Variants in VPS37A observed in about 807,000 individuals in gnomAD.
VPS37A encodes vacuolar protein sorting-associated protein 37A.
VPS37A carries 30 observed loss-of-function variants against 49.8 expected under a neutral mutation model. That is an observed-to-expected ratio of 0.60 (90% CI 0.45 to 0.82). The LOEUF (loss-of-function observed/expected upper bound fraction) is 0.82. Among genes scored for constraint, VPS37A ranks in the 40% least tolerant of loss-of-function variants. VPS37A has a pLI of 0.00. For synonymous variants in VPS37A, 195 were observed against 160.6 expected (o/e 1.21, Z -1.62); for missense variants, 593 against 464.4 (o/e 1.28, Z -2.55).
At chr8:17,277,159 C>G (rs1287992482) in intron 6 of VPS37A, among the ~76,000 whole-genome samples, 9 of 151,808 alleles carry the variant, frequency 5.9e-5, no homozygotes, top group Non-Finnish European at 4.4e-5. Flanking sequence ...GATGTACAGC[C>G]AAGTACCCAT....
At chr8:17,260,145 C>A (rs560868245) in intron 1 of VPS37A, among the ~76,000 whole-genome samples, 1 of 152,222 alleles carries the variant, frequency 6.6e-6, no homozygotes, top group South Asian at 2.1e-4. Context: ...TCCTTTCTTA[C>A]TATCTTCCTT....
intron 4 of VPS37A, among the ~76,000 whole-genome samples, chr8:17,270,450 C>A (rs1318065119): frequency 6.6e-6 from 1 of 152,100 alleles, no homozygotes; most frequent in Non-Finnish European, 1.5e-5. Context: ...CTCCATGTGA[C>A]CTGCGCTTCC....
At chr8:17,261,322 T>C (rs1445210708) in intron 1 of VPS37A, among the ~76,000 whole-genome samples, 1 of 152,186 alleles carries the variant, frequency 6.6e-6, no homozygotes, top group East Asian at 1.9e-4. Flanking sequence ...TTTAATTGTT[T>C]ATTATTACTT....
At chr8:17,269,002 G>A (rs929983589) in intron 4 of VPS37A, 46 bp downstream of exon 4, 25 of 1,311,668 alleles carry the variant, frequency 1.9e-5, no homozygotes, top group Non-Finnish European at 2.6e-5. Context: ...GTATTTTAAT[G>A]TATTAATCAA....
chr8:17,316,349 A>T, the VPS37A span, among the ~76,000 whole-genome samples: 1 of 152,026 alleles, frequency 6.6e-6, no homozygotes, highest in Non-Finnish European at 1.5e-5. Context: ...TTATGTAAAT[A>T]AATTTCATTA....
At position 17,272,519 on chromosome 8, in the gene VPS37A, A is replaced by G. The variant is rs140642571; in HGVS notation, c.417-2214A>G. 2.6e-3 allele frequency among the ~76,000 whole-genome samples: 397 copies of G among 152,320 alleles called. 2 individuals carry two copies. The highest frequency in any genetic ancestry group is 8.8e-3 in the African/African-American group (367 of 41,566). ...TCATTTCAGATAAGTTCGGGGATAT[A>G]GTACCATTATTAAAAATCAAGTTTG... is the stretch of plus-strand genomic sequence containing the variant. On this transcript the variant is annotated intron_variant, in intron 4 of 11. Transcript: ENST00000324849.
At chr8:17,248,045 A>G in intron 1 of VPS37A, 1 of 459,826 alleles carries the variant, frequency 2.2e-6, no homozygotes, top group South Asian at 2.2e-5. Context: ...TCATTTTATC[A>G]TGGTCAGTTT....
intron 9 of VPS37A, 84 bp from the exon 10 acceptor site, chr8:17,284,389 C>T: frequency 1.4e-6 from 2 of 1,465,748 alleles, no homozygotes; most frequent in Admixed American, 2.7e-5. Flanking sequence ...AATTGCCTCT[C>T]CATACCACTA....
At chr8:17,302,088 T>C, downstream of VPS37A, 1 of 1,602,620 alleles carries the variant, frequency 6.2e-7, no homozygotes, top group Non-Finnish European at 8.5e-7. Flanking sequence ...TTAAGAGGCT[T>C]TCATGAAGCC....
At position 17,247,453 on chromosome 8, in the gene VPS37A, C is replaced by T. The variant is rs1253289602; in HGVS notation, c.125+84C>T. ...CTAACCACCCTCACAGCGCCTCAGT[C>T]TGCTCCCCACCAGCTCCTCATGTGG... On this transcript the variant is annotated intron_variant, in intron 1 of 11. Coordinates refer to ENST00000324849, the MANE Select transcript of VPS37A (RefSeq NM_152415.3). 26 of 1,494,436 alleles carry T rather than the reference C, an allele frequency of 1.7e-5. No homozygotes were observed. The Admixed American group carries it at 5.1e-4, about 29-fold the overall frequency. The allele number at this position is 1,494,436 out of a possible 1,614,324, so 92.6% of individuals were successfully genotyped here.
chr8:17,266,772 T>G (rs923603029), intron 2 of VPS37A, among the ~76,000 whole-genome samples: 7 of 152,174 alleles, frequency 4.6e-5, no homozygotes, highest in African/African-American at 1.7e-4. Flanking sequence ...ATGAGCTTTT[T>G]TATTTATTTA....
chr8:17,255,386 C>T (rs1411547962), intron 1 of VPS37A, among the ~76,000 whole-genome samples: 2 of 152,082 alleles, frequency 1.3e-5, no homozygotes, highest in African/African-American at 2.4e-5. Context: ...GAGGCTGAGG[C>T]AGGACAATCA....
rs1410978858 is a variant in VPS37A, at chr8:17,280,474, T to C, written c.969+31T>C. The C allele has an allele frequency of 2.6e-6, 4 of 1,568,210 alleles. No individual in the cohort carries two copies. The Middle Eastern group carries it at 5.6e-4, about 219-fold the overall frequency. On this transcript the variant is annotated intron_variant, in intron 9 of 11. Coordinates refer to ENST00000324849, the MANE Select transcript of VPS37A (RefSeq NM_152415.3). ...ACTGTTTATTTTTTTCCCTTTGCCA[T>C]AGATTTTTTTTTTAATCTTATGTGC...
chr8:17,303,114 A>G (rs576316602), downstream of VPS37A, among the ~76,000 whole-genome samples: 3 of 152,204 alleles, frequency 2.0e-5, no homozygotes, highest in East Asian at 3.9e-4. Flanking sequence ...ATTTATGTAG[A>G]TAAGTAAGTA....
intron 1 of VPS37A, chr8:17,247,752 GA>G: frequency 2.8e-6 from 2 of 702,588 alleles, no homozygotes; most frequent in Non-Finnish European, 5.2e-6. Context: ...ATACAATTGT[GA>G]AGAGTAATCT....
chr8:17,315,669 A>G, the VPS37A span, among the ~76,000 whole-genome samples: 1 of 152,206 alleles, frequency 6.6e-6, no homozygotes, highest in Non-Finnish European at 1.5e-5. Context: ...TGTAACAGAC[A>G]TCCAGATTGG....
chr8:17,253,510 G>A lies in VPS37A; in HGVS notation c.125+6141G>A, dbSNP rs543312090. 5.3e-5 allele frequency among the ~76,000 whole-genome samples: 8 copies of A among 152,296 alleles called. No homozygotes were observed. The South Asian group carries it at 6.2e-4, about 12-fold the overall frequency. On this transcript the variant is annotated intron_variant, in intron 1 of 11. Transcript: ENST00000324849. ...AAGATATCAACAAACAGAATGTAAC[G>A]TTTCATATATGGCAAAGGCTATGGA...
the VPS37A span, among the ~76,000 whole-genome samples, chr8:17,325,793 C>A: frequency 6.6e-6 from 1 of 152,180 alleles, no homozygotes; most frequent in Non-Finnish European, 1.5e-5. Flanking sequence ...TACTTCATGT[C>A]TTTTGAATAA....
chr8:17,288,189 T>C (rs193278585), intron 11 of VPS37A, among the ~76,000 whole-genome samples: 9 of 152,294 alleles, frequency 5.9e-5, no homozygotes, highest in Non-Finnish European at 1.3e-4. Flanking sequence ...CTTACCTCTA[T>C]TCCCTCATAG....
Sources: gnomAD v4.1 joint callset for allele counts (sites outside exome capture counted in the v4.1 genomes callset) on GRCh38, gnomAD v4.1.1 for gene constraint, MANE v1.5 for transcripts, NCBI Gene and HGNC (gene_info 2026-07-23, HGNC 2026-07-21) for gene names.